Variants in SAFB2 observed in about 807,000 individuals in gnomAD.
SAFB2 encodes scaffold attachment factor B2.
SAFB2 carries 32 observed loss-of-function variants against 100.6 expected under a neutral mutation model. That is an observed-to-expected ratio of 0.32 (90% CI 0.24 to 0.43). The LOEUF (loss-of-function observed/expected upper bound fraction) is 0.43. Ranked by LOEUF, SAFB2 falls within the 20% of genes least tolerant of loss-of-function variation. SAFB2 has a pLI of 1.00. For missense variants in SAFB2, 1,185 were observed against 1,163.4 expected (o/e 1.02, Z -0.27); for synonymous variants, 500 against 439.4 (o/e 1.14, Z -1.72).
In SAFB2 at chr19:5,611,137, G is replaced by A. The variant is rs554620400; in HGVS notation, c.1128C>T (p.Gly376=). 24 of 458,592 alleles carry A rather than the reference G, an allele frequency of 5.2e-5. No homozygotes were observed. Among genetic ancestry groups the A allele is most frequent in the Admixed American group, 1.0e-4 (2 of 19,154 alleles). The allele number at this position is 458,592 out of a possible 1,614,324, so 28.4% of individuals were successfully genotyped here. A position where few individuals can be genotyped will look rare whatever the true frequency, so the allele number is the denominator to read the frequency against. The change falls in exon 7 of 21, where the codon GGC becomes GGT. Residue 376 remains glycine (G), a synonymous_variant. Transcript: ENST00000252542. ...PAPKESSTSE[G]ADQKMSSFKE... Reference sequence around the variant, plus strand: ...AAACAAACCTCATTTTCTGATCAGCGCCCTCACTGGTTGAGGACTCTTTAG... The same window carrying A: ...AAACAAACCTCATTTTCTGATCAGCACCCTCACTGGTTGAGGACTCTTTAG...
At chr19:5,600,387 T>C in intron 11 of SAFB2, 127 bp from the exon 12 acceptor site, 2 of 1,255,648 alleles carry the variant, frequency 1.6e-6, no homozygotes, top group Non-Finnish European at 2.2e-6. Flanking sequence ...AGCAATTAGG[T>C]GGGAAAAATT....
intron 17 of SAFB2, 105 bp downstream of exon 17, chr19:5,591,643 G>T: frequency 9.3e-7 from 1 of 1,077,530 alleles, no homozygotes; most frequent in Non-Finnish European, 1.4e-6. Flanking sequence ...GTGCTGACTT[G>T]GTTGCCACCT....
chr19:5,610,606 C>T, intron 8 of SAFB2, 33 bp downstream of exon 8: 1 of 1,494,644 alleles, frequency 6.7e-7, no homozygotes. Flanking sequence ...GGGAACCATA[C>T]CTGGCTCCCT....
chr19:5,587,937 G>GCTC lies in SAFB2; in HGVS notation c.2566_2568dup (p.Glu856dup). ...GCACCCTGCCAGGCGCGTGCCTGGT[G>GCTC]CTCCTCTAGCCGCTGGTTGTGCTCT... On this transcript the variant is annotated inframe_insertion, in exon 19 of 21. Coordinates refer to ENST00000252542, the MANE Select transcript of SAFB2 (RefSeq NM_014649.3). This position sits in a 1 kb window ranked among gnomAD's most constrained non-coding sequence, Gnocchi z 4.9. The GCTC allele has an allele frequency of 6.2e-7, 1 of 1,612,738 alleles. No homozygotes were observed.
rs368944878 is a variant in SAFB2 at position 5,591,792 on chromosome 19, G to A, written c.2350C>T (p.Arg784Trp). 1.9e-5 allele frequency: 30 copies of A among 1,613,666 alleles called. No individual in the cohort carries two copies. The highest frequency in any genetic ancestry group is 4.0e-5 in the African/African-American group (3 of 74,766). Residue 784 changes from arginine to tryptophan, a missense_variant and splice_region_variant, in exon 17 of 21, where the codon CGG becomes TGG. Transcript: ENST00000252542. ...GQYQDHAIDRREGSRPMMGDH... is the reference protein window; with the variant it reads ...GQYQDHAIDRWEGSRPMMGDH... ...CCCATCATTGGCCTCGAACCCTCCC[G>A]CCTGCAAAAGGAAAAGATCCCGTTC...
intron 9 of SAFB2, among the ~76,000 whole-genome samples, chr19:5,609,051 C>CAAAAAAAAAAAAAAAAAAAAAAAGA (rs2052843933): frequency 1.4e-5 from 1 of 72,700 alleles, no homozygotes; most frequent in Non-Finnish European, 2.5e-5. Flanking sequence ...GACGCAGTCT[C>CAAAAAAAAAAAAAAAAAAAAAAAGA]AAAAAAAAAA....
At chr19:5,616,634 A>G in intron 2 of SAFB2, 148 bp from the exon 3 acceptor site, 1 of 510,368 alleles carries the variant, frequency 2.0e-6, no homozygotes, top group South Asian at 3.1e-5. Context: ...TTTTGTCTCA[A>G]TTTGTTTTCT....
intron 17 of SAFB2, among the ~76,000 whole-genome samples, chr19:5,590,760 C>G (rs2052379736): frequency 6.6e-6 from 1 of 151,232 alleles, no homozygotes; most frequent in African/African-American, 2.5e-5. Context: ...CAGGAGGGCC[C>G]TCGGGTGGGT....
chr19:5,610,026 T>C lies in SAFB2; in HGVS notation c.1265A>G (p.Asp422Gly). Residue 422 changes from aspartate (D) to glycine (G), a missense_variant, in exon 9 of 21, where the codon GAT becomes GGT. This residue lies in a region of SAFB2 where 94 missense variants were observed against 135.1 expected (regional missense o/e 0.70). Transcript: ENST00000252542. ...SGLSSTTRAT[D>G]LKNLFSKYGK... ...ATACTTGCTGAAAAGGTTCTTGAGA[T>C]CCGTAGCGCGTGTTGTGGAGGACAG... The C allele has an allele frequency of 2.5e-6, 4 of 1,614,122 alleles. No homozygotes were observed. The highest frequency in any genetic ancestry group is 3.4e-6 in the Non-Finnish European group (4 of 1,180,016).
chr19:5,615,161 T>C (rs1260220945), intron 4 of SAFB2, among the ~76,000 whole-genome samples: 1 of 152,010 alleles, frequency 6.6e-6, no homozygotes, highest in Non-Finnish European at 1.5e-5. Context: ...GAGACCATCA[T>C]GGCCAACATG....
intron 18 of SAFB2, 79 bp from the exon 19 acceptor site, chr19:5,588,059 C>T: frequency 7.8e-7 from 1 of 1,288,644 alleles, no homozygotes; most frequent in Non-Finnish European, 1.1e-6. Flanking sequence ...CCACCCTGAC[C>T]TCAGCTGCAT....
chr19:5,608,766 T>C (rs963746244), intron 9 of SAFB2, among the ~76,000 whole-genome samples: 2 of 152,256 alleles, frequency 1.3e-5, no homozygotes, highest in South Asian at 2.1e-4. Context: ...CAGAAGACTC[T>C]TGGCTAGGCG....
intron 9 of SAFB2, among the ~76,000 whole-genome samples, chr19:5,607,247 C>T (rs1387657409): frequency 1.3e-5 from 2 of 151,964 alleles, no homozygotes; most frequent in African/African-American, 4.8e-5. Flanking sequence ...GGCGACAGAG[C>T]GAGACTCCGT....
At position 5,612,542 on chromosome 19, in the gene SAFB2, G is replaced by A. The variant is rs1236858232; in HGVS notation, c.632C>T (p.Pro211Leu). The A allele has an allele frequency of 6.2e-7, 1 of 1,613,268 alleles. No individual in the cohort carries two copies. Among genetic ancestry groups the A allele is most frequent in the Non-Finnish European group, 8.5e-7 (1 of 1,179,428 alleles). ...TPDIEESLLE[P>L]ENEKILDILG... ...TGTCGTGTTTCTCTTATCAGTACCT[G>A]GCTCCAAAAGGGATTCTTCAATGTC... Residue 211 changes from proline to leucine, a missense_variant and splice_region_variant, in exon 6 of 21, where the codon CCA becomes CTA. By Grantham distance (98) the Pro-to-Leu change is moderately conservative. This residue lies in a region of SAFB2 where 351 missense variants were observed against 341.2 expected (regional missense o/e 1.03). Transcript: ENST00000252542.
In SAFB2 at chr19:5,616,135, A is replaced by ATGCTCTGGGGGC; in HGVS notation, c.528_539dup (p.Gln176_Glu179dup). ...GCCGTGTCTCCAAGTTACCTACAGC[A>ATGCTCTGGGGGC]TGCTCTGGGGGCTGAGCCGGGAGCT... is the stretch of plus-strand genomic sequence containing the variant. On this transcript the variant is annotated inframe_insertion, in exon 4 of 21. Transcript: ENST00000252542. 1 of 1,614,044 alleles carries ATGCTCTGGGGGC rather than the reference A, an allele frequency of 6.2e-7. No homozygotes were observed. The highest frequency in any genetic ancestry group is 8.5e-7 in the Non-Finnish European group (1 of 1,179,944).
chr19:5,588,061 C>T (rs2145309375), intron 18 of SAFB2, 81 bp from the exon 19 acceptor site: 1 of 1,251,986 alleles, frequency 8.0e-7, no homozygotes, highest in East Asian at 2.6e-5. Context: ...ACCCTGACCT[C>T]AGCTGCATGG....
chr19:5,597,178 T>TA (rs765753264), intron 13 of SAFB2, among the ~76,000 whole-genome samples: 3 of 152,168 alleles, frequency 2.0e-5, no homozygotes, highest in Non-Finnish European at 2.9e-5. Flanking sequence ...CAGGCCAGCT[T>TA]AGCCACTTAC....
intron 4 of SAFB2, 65 bp downstream of exon 4, chr19:5,616,067 C>G (rs763731771): frequency 2.0e-6 from 3 of 1,472,892 alleles, no homozygotes; most frequent in African/African-American, 2.8e-5. Context: ...CTCACACGAG[C>G]AGCACGCGAG....
intron 13 of SAFB2, among the ~76,000 whole-genome samples, chr19:5,596,827 G>A (rs1004046802): frequency 6.6e-6 from 1 of 152,122 alleles, no homozygotes; most frequent in Non-Finnish European, 1.5e-5. Context: ...GCAGGGGCCT[G>A]GGAAATGACA....
Sources: allele counts gnomAD v4.1 joint callset (sites outside exome capture counted in the v4.1 genomes callset), GRCh38; gene constraint gnomAD v4.1.1; regional missense constraint gnomAD v4.1.1; non-coding constraint Gnocchi (gnomAD v3.1); transcripts MANE v1.5; gene names NCBI Gene and HGNC (gene_info 2026-07-23, HGNC 2026-07-21).